LTBP1: variants seen among roughly 807,000 people sequenced by gnomAD.
LTBP1 encodes the protein latent transforming growth factor beta binding protein 1.
In LTBP1, 129 loss-of-function variants were observed where a neutral mutation model predicts 207.6. The observed-to-expected ratio is 0.62, with a 90% CI of 0.54 to 0.72. The LOEUF (loss-of-function observed/expected upper bound fraction) is 0.72. Ranked by LOEUF, LTBP1 falls within the 30% of genes least tolerant of loss-of-function variation. The pLI, the probability that LTBP1 is intolerant of heterozygous loss-of-function variation, is 0.00. For synonymous variants in LTBP1, 963 were observed against 833.7 expected, an observed-to-expected ratio of 1.16 and a Z score of -2.67; for missense variants, 2,281 against 2,217.2, an observed-to-expected ratio of 1.03 and a Z score of -0.58.
At chr2:32,960,221 ATGT>A (rs10535693) in intron 2 of LTBP1, among the ~76,000 whole-genome samples, 9,499 of 152,056 alleles carry the variant, frequency 0.062, 539 homozygotes, top group East Asian at 0.23. Flanking sequence ...AACTTCATTC[ATGT>A]TGTTGTGAAT....
intron 3 of LTBP1, among the ~76,000 whole-genome samples, chr2:33,030,747 T>G (rs1340601836): frequency 2.0e-5 from 3 of 152,368 alleles, no homozygotes; most frequent in Middle Eastern, 3.4e-3. Flanking sequence ...TTTAATATTT[T>G]AAGCAGACTA....
intron 19 of LTBP1, among the ~76,000 whole-genome samples, chr2:33,286,751 TA>T (rs34249452): frequency 0.56 from 84,514 of 151,934 alleles, 24,296 homozygotes; most frequent in African/African-American, 0.69. Context: ...TATGCAGCCA[TA>T]AAAAAATGAT....
intron 24 of LTBP1, among the ~76,000 whole-genome samples, chr2:33,322,999 T>C (rs116830320): frequency 0.02 from 2,988 of 152,352 alleles, 36 homozygotes; most frequent in Middle Eastern, 0.031. Context: ...CGGGATTGTT[T>C]TCTGTATTTT....
intron 26 of LTBP1, among the ~76,000 whole-genome samples, chr2:33,351,484 C>T (rs2094781136): frequency 6.6e-6 from 1 of 152,122 alleles, no homozygotes; most frequent in Non-Finnish European, 1.5e-5. Context: ...TTGGCAAATA[C>T]AAAGGTAAAT....
At chr2:33,127,594 A>C (rs913926736) in intron 4 of LTBP1, among the ~76,000 whole-genome samples, 1 of 152,166 alleles carries the variant, frequency 6.6e-6, no homozygotes, top group East Asian at 1.9e-4. Context: ...GAGAATCACC[A>C]GGTGGGACAT....
At chr2:33,186,704 A>T (rs979675996) in intron 5 of LTBP1, 152 bp from the exon 6 acceptor site, 1 of 622,434 alleles carries the variant, frequency 1.6e-6, no homozygotes, top group Admixed American at 2.9e-5. Flanking sequence ...TACTTTTGGC[A>T]TAGCGAGTTT....
chr2:33,168,981 G>A (rs1304571695), intron 5 of LTBP1, among the ~76,000 whole-genome samples: 1 of 152,188 alleles, frequency 6.6e-6, no homozygotes, highest in Non-Finnish European at 1.5e-5. Context: ...TAGAGGCCTT[G>A]GCTGTGGCAG....
chr2:33,302,950 T>TACACACACACACACAC (rs70938396), intron 22 of LTBP1, among the ~76,000 whole-genome samples: 1 of 144,786 alleles, frequency 6.9e-6, no homozygotes, highest in African/African-American at 2.5e-5. Context: ...CTAATATTTT[T>TACACACACACACACAC]ACACACACAC....
At chr2:32,954,547 C>G (rs1354133126) in intron 2 of LTBP1, among the ~76,000 whole-genome samples, 1 of 104,906 alleles carries the variant, frequency 9.5e-6, no homozygotes. Context: ...CTCCACTCCC[C>G]GCCCCCCCCC....
intron 32 of LTBP1, among the ~76,000 whole-genome samples, chr2:33,394,086 T>A (rs1458068565): frequency 6.6e-6 from 1 of 152,210 alleles, no homozygotes; most frequent in African/African-American, 2.4e-5. Context: ...TGCATAAATG[T>A]CTTCTTTTGA....
chr2:33,185,494 A>AT (rs1266090771), intron 5 of LTBP1, among the ~76,000 whole-genome samples: 2 of 152,260 alleles, frequency 1.3e-5, no homozygotes, highest in African/African-American at 2.4e-5. Context: ...TCAGTGTATG[A>AT]TAGGATGAAA....
At chr2:33,215,061 C>T (rs192529988) in intron 7 of LTBP1, among the ~76,000 whole-genome samples, 1 of 152,188 alleles carries the variant, frequency 6.6e-6, no homozygotes, top group East Asian at 1.9e-4. Flanking sequence ...CTACTCCACT[C>T]ACACGCCTTC....
intron 31 of LTBP1, among the ~76,000 whole-genome samples, chr2:33,368,767 C>G (rs2095031481): frequency 6.6e-6 from 1 of 152,142 alleles, no homozygotes; most frequent in South Asian, 2.1e-4. Flanking sequence ...GTCCTAGCTA[C>G]TTGGGAGGTT....
intron 2 of LTBP1, among the ~76,000 whole-genome samples, chr2:32,995,430 C>G (rs1180980613): frequency 1.3e-5 from 2 of 152,150 alleles, no homozygotes; most frequent in Non-Finnish European, 2.9e-5. Context: ...TGGTTGAAGG[C>G]TAATCATTGT....
intron 4 of LTBP1, among the ~76,000 whole-genome samples, chr2:33,122,112 T>C (rs568516068): frequency 1.3e-5 from 2 of 151,792 alleles, no homozygotes; most frequent in East Asian, 3.9e-4. Flanking sequence ...GGCTTGGCCA[T>C]GTGACTTGCT....
chr2:33,165,039 G>A (rs2084801612), intron 5 of LTBP1, among the ~76,000 whole-genome samples: 1 of 152,188 alleles, frequency 6.6e-6, no homozygotes, highest in Non-Finnish European at 1.5e-5. Context: ...AGGATGGCAT[G>A]TGCGTTAGTA....
At chr2:33,044,671 C>G (rs2076357012) in intron 3 of LTBP1, among the ~76,000 whole-genome samples, 1 of 152,158 alleles carries the variant, frequency 6.6e-6, no homozygotes, top group Non-Finnish European at 1.5e-5. Flanking sequence ...GGTTCTAGAT[C>G]CTTGAGGAAT....
At chr2:33,341,821 T>C (rs2094629375) in intron 24 of LTBP1, among the ~76,000 whole-genome samples, 1 of 151,210 alleles carries the variant, frequency 6.6e-6, no homozygotes. Flanking sequence ...AACTAAACTC[T>C]GTCAAGTGAA....
chr2:33,194,941 TAAATGTA>T (rs2088374193), intron 7 of LTBP1, among the ~76,000 whole-genome samples: 2 of 152,238 alleles, frequency 1.3e-5, no homozygotes, highest in Non-Finnish European at 2.9e-5. Flanking sequence ...AGAACTATGT[TAAATGTA>T]CTCTGCCTGT....
Sources: allele counts gnomAD v4.1 joint callset (sites outside exome capture counted in the v4.1 genomes callset), GRCh38; gene constraint gnomAD v4.1.1; transcripts MANE v1.5; gene names NCBI Gene and HGNC (gene_info 2026-07-23, HGNC 2026-07-21).